The following UBE3D variants were observed in gnomAD, a reference collection of about 807,000 sequenced individuals.
UBE3D encodes ubiquitin protein ligase E3D, also known as E3 ubiquitin-protein ligase E3D.
A neutral mutation model predicts 49.6 loss-of-function variants in UBE3D; 48 were observed. That is an observed-to-expected ratio of 0.97 (90% CI 0.77 to 1.23). UBE3D has a LOEUF of 1.23. Ranked by LOEUF, UBE3D falls within the 50% of genes most tolerant of loss-of-function variation. The probability of loss-of-function intolerance (pLI) is 0.00; values close to 1 mark genes in which losing one functional copy is unlikely to be tolerated. For synonymous variants in UBE3D, 189 were observed against 174.2 expected (o/e 1.08, Z -0.67); for missense variants, 452 against 468.4 (o/e 0.96, Z 0.32).
chr6:82,961,328 TCTGA>T (rs1208338694), intron 8 of UBE3D, among the ~76,000 whole-genome samples: 2 of 152,214 alleles, frequency 1.3e-5, no homozygotes, highest in Non-Finnish European at 1.5e-5. Flanking sequence ...TTAGGTTTTT[TCTGA>T]CTATCACTTA....
chr6:83,031,970 C>T (rs539009722), intron 5 of UBE3D, among the ~76,000 whole-genome samples: 116 of 152,300 alleles, frequency 7.6e-4, no homozygotes, highest in African/African-American at 2.3e-3. Flanking sequence ...ATTTCTGAGA[C>T]TGTATGGAAA....
At chr6:83,009,708 G>GAAAA (rs58176941) in intron 8 of UBE3D, among the ~76,000 whole-genome samples, 1 of 135,258 alleles carries the variant, frequency 7.4e-6, no homozygotes, top group Admixed American at 8.7e-5. Flanking sequence ...TAAAATCTTA[G>GAAAA]CCAAGGATAA....
At chr6:83,063,424 A>G (rs1784300926) in intron 1 of UBE3D, among the ~76,000 whole-genome samples, 1 of 150,562 alleles carries the variant, frequency 6.6e-6, no homozygotes, top group Non-Finnish European at 1.5e-5. Flanking sequence ...AAAAAAAAAA[A>G]AAAAAAAAAA....
rs1782405716 is a variant in UBE3D, at chr6:83,038,215, C to T, written c.667+201G>A. 3 of 475,562 alleles carry T rather than the reference C, an allele frequency of 6.3e-6. No individual in the cohort carries two copies. The South Asian group carries it at 9.2e-5, about 15-fold the overall frequency. The allele number at this position is 475,562 out of a possible 1,614,324, so 29.5% of individuals were successfully genotyped here. ...ACTCAACTTCTTAATACTTAAAATT[C>T]AATACTCTGTATTTATGAAGGTCAA... is the stretch of plus-strand genomic sequence containing the variant. On this transcript the variant is annotated intron_variant, in intron 5 of 9. Coordinates refer to ENST00000369747, the MANE Select transcript of UBE3D (RefSeq NM_198920.3).
At chr6:82,908,619 T>A (rs1427232397) in intron 9 of UBE3D, among the ~76,000 whole-genome samples, 1 of 152,022 alleles carries the variant, frequency 6.6e-6, no homozygotes, top group Non-Finnish European at 1.5e-5. Context: ...GGGGAAAAAA[T>A]TTCATATTTC....
intron 8 of UBE3D, among the ~76,000 whole-genome samples, chr6:82,997,715 T>C (rs1241264821): frequency 6.6e-6 from 1 of 152,102 alleles, no homozygotes. Flanking sequence ...CAAGACTCTG[T>C]CTTAAAAAAG....
At chr6:82,997,667 C>T (rs1377398237) in intron 8 of UBE3D, among the ~76,000 whole-genome samples, 3 of 151,854 alleles carry the variant, frequency 2.0e-5, no homozygotes, top group Non-Finnish European at 2.9e-5. Context: ...TGCAGTGAGC[C>T]GAGATGGTGC....
chr6:82,919,615 A>C lies in UBE3D; in HGVS notation c.1150-26573T>G, dbSNP rs1773178393. ...AGTCTCAAAAAATAAAATAAAATAA[A>C]ATAAAATAATAATAATAAAAAAAGA... On this transcript the variant is annotated intron_variant, in intron 9 of 9. Transcript: ENST00000369747. Among the ~76,000 whole-genome samples the C allele has an allele frequency of 6.6e-5, 10 of 151,782 alleles. No individual in the cohort carries two copies. The South Asian group carries it at 2.1e-3, about 32-fold the overall frequency.
chr6:82,938,007 A>G (rs1774718921), intron 9 of UBE3D, among the ~76,000 whole-genome samples: 1 of 151,760 alleles, frequency 6.6e-6, no homozygotes, highest in Admixed American at 6.6e-5. Context: ...ACACACACAC[A>G]ACAACCCTAT....
chr6:83,053,508 C>T (rs1161356121), intron 3 of UBE3D, among the ~76,000 whole-genome samples: 1 of 152,136 alleles, frequency 6.6e-6, no homozygotes, highest in East Asian at 1.9e-4. Context: ...AGAAGGCTGA[C>T]ATGAGGGACA....
chr6:82,918,425 A>T (rs1185829274), intron 9 of UBE3D, among the ~76,000 whole-genome samples: 1 of 152,182 alleles, frequency 6.6e-6, no homozygotes, highest in Non-Finnish European at 1.5e-5. Context: ...AAGTCATTTT[A>T]CAAATGAGAA....
chr6:82,985,305 T>C (rs1226936153), intron 8 of UBE3D, among the ~76,000 whole-genome samples: 1 of 152,108 alleles, frequency 6.6e-6, no homozygotes, highest in African/African-American at 2.4e-5. Context: ...TCCAAGGTAA[T>C]GGAGAATTCA....
chr6:83,046,673 G>GGC (rs1281511342), intron 3 of UBE3D, among the ~76,000 whole-genome samples: 1,017 of 12,536 alleles, frequency 0.081, 53 homozygotes, highest in African/African-American at 0.12. Flanking sequence ...TGCAGTTGGC[G>GGC]GGGGGGGTGG....
chr6:82,913,532 A>G (rs1772683912), intron 9 of UBE3D, among the ~76,000 whole-genome samples: 1 of 152,178 alleles, frequency 6.6e-6, no homozygotes, highest in Admixed American at 6.5e-5. Flanking sequence ...ATGCCCCTTT[A>G]CATTAGCATC....
At chr6:82,908,310 C>A (rs76311011) in intron 9 of UBE3D, among the ~76,000 whole-genome samples, 1 of 151,994 alleles carries the variant, frequency 6.6e-6, no homozygotes, top group Non-Finnish European at 1.5e-5. Flanking sequence ...TTTGGCAATG[C>A]GTGGAGACAT....
At chr6:82,930,812 G>A (rs1582381674) in intron 9 of UBE3D, among the ~76,000 whole-genome samples, 1 of 152,278 alleles carries the variant, frequency 6.6e-6, no homozygotes, top group East Asian at 1.9e-4. Context: ...CAGCCTGACA[G>A]TGCAGTATAA....
chr6:82,927,030 G>A (rs1187289935), intron 9 of UBE3D, among the ~76,000 whole-genome samples: 1 of 152,080 alleles, frequency 6.6e-6, no homozygotes, highest in African/African-American at 2.4e-5. Flanking sequence ...TTTGTAAAGG[G>A]TGTAAAGTCT....
At chr6:82,957,539 G>A in intron 8 of UBE3D, 89 bp from the exon 9 acceptor site, 5 of 1,417,484 alleles carry the variant, frequency 3.5e-6, no homozygotes, top group Non-Finnish European at 4.8e-6. Flanking sequence ...TCAATTGTGA[G>A]AGAAAAAGGC....
At chr6:82,966,761 A>T (rs896139656) in intron 8 of UBE3D, among the ~76,000 whole-genome samples, 4 of 152,192 alleles carry the variant, frequency 2.6e-5, no homozygotes, top group Non-Finnish European at 5.9e-5. Context: ...TGGAAAAATT[A>T]AATCAGTTCT....
Sources: gnomAD v4.1 joint callset for allele counts (sites outside exome capture counted in the v4.1 genomes callset) on GRCh38, gnomAD v4.1.1 for gene constraint, MANE v1.5 for transcripts, NCBI Gene and HGNC (gene_info 2026-07-23, HGNC 2026-07-21) for gene names.